Variants in TARS3 observed in about 807,000 individuals in gnomAD.
TARS3 encodes threonyl-tRNA synthetase 3.
In TARS3, 94 loss-of-function variants were observed where a neutral mutation model predicts 103.5. That is an observed-to-expected ratio of 0.91 (90% CI 0.77 to 1.08). TARS3 has a LOEUF of 1.08. TARS3 is among the 50% of genes least tolerant of loss of function. The pLI is 0.00. For missense variants in TARS3, 952 were observed against 995.2 expected, an observed-to-expected ratio of 0.96 and a Z score of 0.58; for synonymous variants, 416 against 355.4, an observed-to-expected ratio of 1.17 and a Z score of -1.92.
At chr15:101,684,260 C>G in intron 11 of TARS3, 23 bp from the exon 12 acceptor site, 2 of 1,609,738 alleles carry the variant, frequency 1.2e-6, no homozygotes, top group Non-Finnish European at 1.7e-6. Flanking sequence ...TGGTAACACA[C>G]AGCTTTTACA....
intron 8 of TARS3, among the ~76,000 whole-genome samples, chr15:101,702,930 A>C (rs1899354640): frequency 6.6e-6 from 1 of 152,240 alleles, no homozygotes; most frequent in Admixed American, 6.5e-5. Context: ...TAGGAATGAC[A>C]GTGAGAGCAC....
chr15:101,693,264 T>TG (rs550310089), intron 10 of TARS3, among the ~76,000 whole-genome samples: 5 of 152,118 alleles, frequency 3.3e-5, no homozygotes, highest in South Asian at 2.1e-4. Flanking sequence ...GCATGGCTGG[T>TG]GGGGGGGCCT....
intron 10 of TARS3, chr15:101,699,378 T>G (rs1899141086): frequency 1.1e-5 from 5 of 455,806 alleles, no homozygotes; most frequent in South Asian, 7.7e-5. Context: ...GCCTTTACAG[T>G]TTGGTGACCC....
Position 101,654,783 on chromosome 15 carries a change from A to G in TARS3, c.2261-53T>C, listed in dbSNP as rs1356034784. 3.2e-6 allele frequency: 5 copies of G among 1,548,438 alleles called. No individual in the cohort carries two copies. The East Asian group carries it at 9.0e-5, about 28-fold the overall frequency. On this transcript the variant is annotated intron_variant, in intron 18 of 18. Coordinates refer to ENST00000335968, the MANE Select transcript of TARS3 (RefSeq NM_152334.3). ...ATTTTAAATCAGCAATTTACCAAAC[A>G]TTAAGTCAGCAGTCCCATGACATGT...
chr15:101,682,065 T>C (rs574180183), intron 12 of TARS3, among the ~76,000 whole-genome samples: 6 of 152,248 alleles, frequency 3.9e-5, no homozygotes, highest in Admixed American at 1.3e-4. Flanking sequence ...GATCTCTACA[T>C]AGATGATCAT....
chr15:101,680,215 T>C (rs191011268), intron 12 of TARS3, among the ~76,000 whole-genome samples: 124 of 152,350 alleles, frequency 8.1e-4, no homozygotes, highest in African/African-American at 2.9e-3. Context: ...AGTTAAAATA[T>C]AAGCTTCTCA....
At chr15:101,700,795 C>T (rs1319685231) in intron 10 of TARS3, among the ~76,000 whole-genome samples, 1 of 152,056 alleles carries the variant, frequency 6.6e-6, no homozygotes, top group East Asian at 1.9e-4. Flanking sequence ...GTGTGCACCA[C>T]CACACTCGGC....
chr15:101,724,030 G>A (rs866116773), intron 1 of TARS3, 61 bp downstream of exon 1: 24 of 1,312,920 alleles, frequency 1.8e-5, no homozygotes, highest in Middle Eastern at 2.8e-4. Context: ...AAACCTTTCG[G>A]TGCGCACCGT....
chr15:101,660,686 C>A (rs912260045), intron 16 of TARS3, among the ~76,000 whole-genome samples: 1 of 152,206 alleles, frequency 6.6e-6, no homozygotes. Context: ...CGGGGGATCA[C>A]AATTAATCAC....
At chr15:101,693,917 G>A (rs1456779938) in intron 10 of TARS3, among the ~76,000 whole-genome samples, 1 of 152,140 alleles carries the variant, frequency 6.6e-6, no homozygotes, top group African/African-American at 2.4e-5. Context: ...TAGCATGAGG[G>A]AGTTTTGAGG....
intron 2 of TARS3, 51 bp from the exon 3 acceptor site, chr15:101,721,373 C>T: frequency 6.9e-7 from 1 of 1,443,476 alleles, no homozygotes; most frequent in Non-Finnish European, 9.6e-7. Flanking sequence ...CTACTGTTTT[C>T]CAGCTGCTCA....
At chr15:101,668,417 T>G (rs993653065) in intron 15 of TARS3, among the ~76,000 whole-genome samples, 5 of 152,152 alleles carry the variant, frequency 3.3e-5, no homozygotes, top group African/African-American at 1.2e-4. Flanking sequence ...AAGTTCATCG[T>G]TTTAAATGGG....
intron 10 of TARS3, among the ~76,000 whole-genome samples, chr15:101,699,628 T>C (rs1039034935): frequency 3.9e-5 from 6 of 152,194 alleles, no homozygotes; most frequent in Non-Finnish European, 8.8e-5. Context: ...TAATCTTCAG[T>C]GATTCTTCAA....
chr15:101,685,112 A>C (rs1898412567), intron 11 of TARS3, among the ~76,000 whole-genome samples: 1 of 152,226 alleles, frequency 6.6e-6, no homozygotes, highest in African/African-American at 2.4e-5. Flanking sequence ...TCTTCACTTA[A>C]AAGGGCAAAG....
At chr15:101,674,400 T>C (rs1234166495) in intron 13 of TARS3, among the ~76,000 whole-genome samples, 2 of 152,056 alleles carry the variant, frequency 1.3e-5, no homozygotes, top group Non-Finnish European at 2.9e-5. Flanking sequence ...AGAGCTATGG[T>C]TAAAAAAAAA....
In TARS3 at chr15:101,653,821, T is replaced by C. The variant is rs1897098601; in HGVS notation, c.*761A>G. 1 of 152,244 alleles carries C rather than the reference T, an allele frequency of 6.6e-6. No individual in the cohort carries two copies. Among genetic ancestry groups the C allele is most frequent in the Non-Finnish European group, 1.5e-5 (1 of 68,042 alleles). 9.4% of individuals were successfully genotyped at this position (152,244 alleles called of 1,614,324 possible). ...ACGTAGAGCATTCCTCTCTTTAAAA[T>C]CTGAAATCCATTTCAGTACATAAAT... On this transcript the variant is annotated 3_prime_UTR_variant, in exon 19 of 19. Transcript: ENST00000335968.
chr15:101,724,371 A>G lies in TARS3; in HGVS notation c.17T>C (p.Leu6Pro), dbSNP rs759100759. MAAEALAAEAVASRLE... is the reference protein window; with the variant it reads MAAEAPAAEAVASRLE... ...GCGCGACGCCACGGCCTCCGCCGCC[A>G]GGGCCTCGGCCGCCATCGCGGCCTC... is the stretch of plus-strand genomic sequence containing the variant. The change falls in exon 1 of 19, where the codon CTG (leucine) becomes CCG (proline). Residue 6 changes from leucine to proline, a missense_variant. By Grantham distance (98) the Leu-to-Pro change is moderately conservative. Coordinates refer to ENST00000335968, the MANE Select transcript of TARS3 (RefSeq NM_152334.3). The G allele has an allele frequency of 2.0e-5, 31 of 1,526,640 alleles. 2 individuals carry two copies. The South Asian group carries it at 2.8e-4, about 14-fold the overall frequency. 94.6% of individuals were successfully genotyped at this position (1,526,640 alleles called of 1,614,324 possible).
chr15:101,667,558 T>G (rs765215540), intron 15 of TARS3, among the ~76,000 whole-genome samples: 3 of 150,116 alleles, frequency 2.0e-5, no homozygotes, highest in Non-Finnish European at 3.0e-5. Flanking sequence ...TACCTTGCAC[T>G]TTTATATTAT....
chr15:101,682,052 T>A (rs1158986126), intron 12 of TARS3, among the ~76,000 whole-genome samples: 1 of 152,226 alleles, frequency 6.6e-6, no homozygotes, highest in African/African-American at 2.4e-5. Context: ...GTAGATTCCA[T>A]CTGATCTCTA....
Sources: gnomAD v4.1 joint callset for allele counts (sites outside exome capture counted in the v4.1 genomes callset) on GRCh38, gnomAD v4.1.1 for gene constraint, MANE v1.5 for transcripts, NCBI Gene and HGNC (gene_info 2026-07-23, HGNC 2026-07-21) for gene names.